Variants in GNA12 observed in about 807,000 individuals in gnomAD.
GNA12 encodes guanine nucleotide-binding protein subunit alpha-12.
Under a neutral mutation model 26.0 loss-of-function variants are expected in GNA12, and 9 were observed. That is an observed-to-expected ratio of 0.35 (90% confidence interval 0.21 to 0.60). GNA12 has a LOEUF of 0.60. Ranked by LOEUF, GNA12 falls within the 20% of genes least tolerant of loss-of-function variation. The pLI is 0.78. For synonymous variants in GNA12, 264 were observed against 219.6 expected, an observed-to-expected ratio of 1.20 and a Z score of -1.79; for missense variants, 405 against 525.8, an observed-to-expected ratio of 0.77 and a Z score of 2.25.
chr7:2,750,557 G>C (rs943521328), intron 2 of GNA12, among the ~76,000 whole-genome samples: 1 of 152,168 alleles, frequency 6.6e-6, no homozygotes, highest in African/African-American at 2.4e-5. Flanking sequence ...CAATAAAACA[G>C]AACAATTGTA....
At chr7:2,826,196 G>A (rs1583312005) in intron 1 of GNA12, among the ~76,000 whole-genome samples, 1 of 151,960 alleles carries the variant, frequency 6.6e-6, no homozygotes, top group African/African-American at 2.4e-5. Flanking sequence ...GGCCAACATG[G>A]TGAAACTTTG....
intron 1 of GNA12, among the ~76,000 whole-genome samples, chr7:2,826,079 C>T (rs534733297): frequency 6.6e-6 from 1 of 152,156 alleles, no homozygotes; most frequent in South Asian, 2.1e-4. Flanking sequence ...CAGTTTCTTA[C>T]AAAACTAAAC....
chr7:2,744,300 G>A (rs916711158), intron 2 of GNA12, among the ~76,000 whole-genome samples: 1 of 152,176 alleles, frequency 6.6e-6, no homozygotes, highest in South Asian at 2.1e-4. Flanking sequence ...TCACACGGCC[G>A]GGTACTCCTC....
intron 1 of GNA12, chr7:2,815,145 A>G: frequency 1.5e-6 from 1 of 684,524 alleles, no homozygotes. Flanking sequence ...AGAAGGAGCA[A>G]TACAAAAAGC....
At chr7:2,787,700 G>A (rs1445594589) in intron 2 of GNA12, among the ~76,000 whole-genome samples, 1 of 152,218 alleles carries the variant, frequency 6.6e-6, no homozygotes, top group Non-Finnish European at 1.5e-5. Flanking sequence ...CTTGACACTG[G>A]CCAGGCATCG....
chr7:2,755,062 C>T (rs2115376080), intron 2 of GNA12, among the ~76,000 whole-genome samples: 1 of 152,326 alleles, frequency 6.6e-6, no homozygotes, highest in South Asian at 2.1e-4. Context: ...TTGCTTCTGC[C>T]CTTGGCTGCA....
intron 2 of GNA12, among the ~76,000 whole-genome samples, chr7:2,768,672 A>C (rs73049334): frequency 0.2 from 26,859 of 134,802 alleles, 2,625 homozygotes; most frequent in Non-Finnish European, 0.24. Flanking sequence ...AAGGTAAAAA[A>C]AAAACAAAAC....
chr7:2,767,637 G>A (rs963615395), intron 2 of GNA12, among the ~76,000 whole-genome samples: 9 of 152,066 alleles, frequency 5.9e-5, no homozygotes, highest in Non-Finnish European at 1.2e-4. Context: ...TGGCTGGCGC[G>A]TTTCAAGTTT....
chr7:2,762,329 A>G (rs1005985408), intron 2 of GNA12: 40 of 335,924 alleles, frequency 1.2e-4, no homozygotes, highest in African/African-American at 8.1e-4. Context: ...GCGCTGCGCG[A>G]CTGCTGCTGG....
chr7:2,744,408 G>T (rs1393846539), intron 2 of GNA12, among the ~76,000 whole-genome samples: 1 of 152,360 alleles, frequency 6.6e-6, no homozygotes, highest in East Asian at 1.9e-4. Flanking sequence ...CAAGCAAACA[G>T]GGTCTGGAGT....
intron 2 of GNA12, among the ~76,000 whole-genome samples, chr7:2,757,065 ACT>A (rs1669840193): frequency 6.7e-6 from 1 of 148,292 alleles, no homozygotes; most frequent in South Asian, 2.1e-4. Flanking sequence ...ACAGAGCGAT[ACT>A]CTGTCCCAAG....
At chr7:2,759,417 C>T (rs538914267) in intron 2 of GNA12, among the ~76,000 whole-genome samples, 1 of 152,304 alleles carries the variant, frequency 6.6e-6, no homozygotes, top group East Asian at 1.9e-4. Context: ...TGTGTTATTA[C>T]TGTTCTGTCC....
intron 3 of GNA12, among the ~76,000 whole-genome samples, chr7:2,732,072 A>G (rs148885947): frequency 3.3e-5 from 5 of 152,040 alleles, no homozygotes; most frequent in African/African-American, 1.2e-4. Flanking sequence ...CATACCAGAG[A>G]TACCTTTTTA....
chr7:2,835,913 C>T (rs373295505), intron 1 of GNA12: 4 of 539,862 alleles, frequency 7.4e-6, no homozygotes, highest in African/African-American at 3.8e-5. Flanking sequence ...CAAGAAGCAA[C>T]TGACGCCTTA....
At chr7:2,748,986 G>A (rs1233335838) in intron 2 of GNA12, among the ~76,000 whole-genome samples, 1 of 152,198 alleles carries the variant, frequency 6.6e-6, no homozygotes, top group South Asian at 2.1e-4. Context: ...AGTTAGAATG[G>A]TGATCATTAA....
intron 1 of GNA12, among the ~76,000 whole-genome samples, chr7:2,842,124 AAAAGAAAGGAAGG>A (rs1354442929): frequency 3.4e-5 from 5 of 146,416 alleles, no homozygotes; most frequent in African/African-American, 1.4e-4. Context: ...AGGGAGGAAG[AAAAGAAAGGAAGG>A]AAAGAAAAGA....
rs1160651495 is a variant in GNA12, at chr7:2,803,453, G to A, written c.310-8310C>T. 4.6e-5 allele frequency among the ~76,000 whole-genome samples: 7 copies of A among 152,292 alleles called. No homozygotes were observed. The East Asian group carries it at 5.8e-4, about 13-fold the overall frequency. Reference sequence around the variant, plus strand: ...AGGAGAGTGATCAGGAGCCCCCTAAGTGCTCTCACCCCAAGTGCTCTCAAT... The same window carrying A: ...AGGAGAGTGATCAGGAGCCCCCTAAATGCTCTCACCCCAAGTGCTCTCAAT... On this transcript the variant is annotated intron_variant, in intron 1 of 3. Transcript: ENST00000275364.
intron 1 of GNA12, among the ~76,000 whole-genome samples, chr7:2,831,400 C>A (rs1163170245): frequency 7.6e-6 from 1 of 131,640 alleles, no homozygotes; most frequent in Admixed American, 8.4e-5. Flanking sequence ...TGGAACTTCA[C>A]TTTCTTTTTT....
At chr7:2,811,404 C>A (rs1371153283) in intron 1 of GNA12, among the ~76,000 whole-genome samples, 1 of 152,212 alleles carries the variant, frequency 6.6e-6, no homozygotes, top group Non-Finnish European at 1.5e-5. Context: ...AGTTTCCCAG[C>A]CTTGGCAGAG....
Sources: allele counts gnomAD v4.1 joint callset (sites outside exome capture counted in the v4.1 genomes callset), GRCh38; gene constraint gnomAD v4.1.1; transcripts MANE v1.5; gene names NCBI Gene and HGNC (gene_info 2026-07-23, HGNC 2026-07-21).